NECAB2: variants seen among roughly 807,000 people sequenced by gnomAD.
NECAB2 encodes N-terminal EF-hand calcium-binding protein 2.
Under a neutral mutation model 51.9 loss-of-function variants are expected in NECAB2, and 68 were observed. The observed-to-expected ratio is 1.31, with a 90% confidence interval of 1.08 to 1.60. NECAB2 has a LOEUF of 1.60. NECAB2 is among the 40% of genes most tolerant of loss of function. The probability of loss-of-function intolerance (pLI) is 0.00; values close to 1 mark genes in which losing one functional copy is unlikely to be tolerated. For missense variants in NECAB2, 854 were observed against 490.3 expected (o/e 1.74, Z -7.00); for synonymous variants, 329 against 203.5 (o/e 1.62, Z -5.25).
Position 83,968,631 on chromosome 16 carries a change from G to GGCGGCGGGC in NECAB2, c.-11_-3dup, listed in dbSNP as rs1314417100. 2.0e-6 allele frequency: 2 copies of GGCGGCGGGC among 979,310 alleles called. No individual in the cohort carries two copies. The highest frequency in any genetic ancestry group is 1.3e-4 in the Admixed American group (2 of 15,650). 60.7% of individuals were successfully genotyped at this position (979,310 alleles called of 1,614,324 possible). ...GGGGGTCGGCGGGCTTCCGGGCGGCGGCGGCGGGCGCGGCGCGATGTGCGA... is the reference window on the plus strand; with the variant it reads ...GGGGGTCGGCGGGCTTCCGGGCGGCGGCGGCGGGCGCGGCGGGCGCGGCGCGATGTGCGA... On this transcript the variant is annotated 5_prime_UTR_variant, in exon 1 of 13. Coordinates refer to ENST00000305202, the MANE Select transcript of NECAB2 (RefSeq NM_019065.3).
chr16:83,978,490 T>C lies in NECAB2; in HGVS notation c.273T>C (p.Asp91=), dbSNP rs372821160. 15 of 1,614,044 alleles carry C rather than the reference T, an allele frequency of 9.3e-6. No individual in the cohort carries two copies. In the African/African-American group the frequency reaches 1.5e-4, roughly 16 times the overall value. Reference sequence around the variant, plus strand: ...AGGAATTCCAGCTCTTCTTTGCAGATGGCGTCCTTAATGAGAAAGAACTGG... The same window carrying C: ...AGGAATTCCAGCTCTTCTTTGCAGACGGCGTCCTTAATGAGAAAGAACTGG... ...SLEEFQLFFA[D]GVLNEKELED... The change falls in exon 3 of 13, where the codon GAT becomes GAC. Residue 91 remains aspartate (D), a synonymous_variant. Coordinates refer to ENST00000305202, the MANE Select transcript of NECAB2 (RefSeq NM_019065.3).
Position 83,998,391 on chromosome 16 carries a change from C to T in NECAB2, c.962+74C>T. ...CTGGCAGTGGAGGAACAGGGCAGGA[C>T]TAGGCTTTGCCCTAAGTAGTACAAG... On this transcript the variant is annotated intron_variant, in intron 10 of 12. Coordinates refer to ENST00000305202, the MANE Select transcript of NECAB2 (RefSeq NM_019065.3). The T allele has an allele frequency of 2.8e-6, 4 of 1,426,196 alleles. No individual in the cohort carries two copies. In the South Asian group the frequency reaches 3.7e-5, roughly 13 times the overall value. The allele number at this position is 1,426,196 out of a possible 1,614,324, so 88.3% of individuals were successfully genotyped here.
At chr16:83,968,174 G>A (rs1357735037), upstream of NECAB2, among the ~76,000 whole-genome samples, 2 of 151,420 alleles carry the variant, frequency 1.3e-5, no homozygotes, top group South Asian at 2.1e-4. Context: ...GCCGCGGGGC[G>A]TGGGCGCCGC....
rs771571802 is a variant in NECAB2, at chr16:83,981,098, G to T, written c.430G>T (p.Val144Phe). 5.0e-6 allele frequency: 8 copies of T among 1,614,050 alleles called. No homozygotes were observed. Among genetic ancestry groups the T allele is most frequent in the Non-Finnish European group, 5.9e-6 (7 of 1,180,030 alleles). The change falls in exon 5 of 13, where the codon GTC becomes TTC. Residue 144 changes from valine to phenylalanine, a missense_variant. Val to Phe is a conservative substitution (Grantham distance 50, BLOSUM62 -1). Transcript: ENST00000305202. Reference sequence around the variant, plus strand: ...CTCCCTGGAGACCTTGAATCACTCTGTCCTGAAGGCCATGGGTTATACCAA... The same window carrying T: ...CTCCCTGGAGACCTTGAATCACTCTTTCCTGAAGGCCATGGGTTATACCAA... ...LASLETLNHS[V>F]LKAMGYTKKV...
At chr16:83,988,428 C>T (rs921812862) in intron 5 of NECAB2, among the ~76,000 whole-genome samples, 2 of 152,148 alleles carry the variant, frequency 1.3e-5, no homozygotes, top group Non-Finnish European at 1.5e-5. Flanking sequence ...ACTTTCTCTT[C>T]CCTTTGGGAA....
At chr16:83,978,854 C>G (rs1399905386) in intron 3 of NECAB2, among the ~76,000 whole-genome samples, 1 of 152,046 alleles carries the variant, frequency 6.6e-6, no homozygotes, top group Admixed American at 6.6e-5. Flanking sequence ...TGACTTCATC[C>G]TTCTGCCATC....
intron 5 of NECAB2, among the ~76,000 whole-genome samples, chr16:83,988,575 T>C (rs1289798970): frequency 6.6e-6 from 1 of 152,248 alleles, no homozygotes; most frequent in Non-Finnish European, 1.5e-5. Context: ...ATTTGAGTGA[T>C]CGCTGTTAGT....
chr16:83,980,811 C>G lies in NECAB2; in HGVS notation c.336-28C>G, dbSNP rs780472965. On this transcript the variant is annotated intron_variant, in intron 3 of 12. Coordinates refer to ENST00000305202, the MANE Select transcript of NECAB2 (RefSeq NM_019065.3). ...CTGCTAACCCCCTCTCTGTCTCTGT[C>G]TGTCTCTGCCTCTGTCTGTCTCTGC... 11 of 1,562,830 alleles carry G rather than the reference C, an allele frequency of 7.0e-6. No individual in the cohort carries two copies. The East Asian group carries it at 1.2e-4, about 17-fold the overall frequency.
At chr16:84,002,180 C>T (rs935646628) in intron 12 of NECAB2, 138 bp from the exon 13 acceptor site, 1 of 1,190,594 alleles carries the variant, frequency 8.4e-7, no homozygotes, top group Non-Finnish European at 1.2e-6. Context: ...TGGTTTGCAC[C>T]TGGGTGACCA....
intron 12 of NECAB2, 117 bp downstream of exon 12, chr16:84,002,033 C>T (rs1482802369): frequency 1.1e-5 from 13 of 1,212,984 alleles, no homozygotes; most frequent in Admixed American, 6.0e-5. Context: ...CCACTGTCAG[C>T]TCCTGCCACC....
rs74032337 is a variant in NECAB2, at chr16:83,969,971, C to T, written c.201+1122C>T. Among the ~76,000 whole-genome samples the T allele has an allele frequency of 3.3e-3, 498 of 152,302 alleles. 3 individuals are homozygous for T. Among genetic ancestry groups the T allele is most frequent in the African/African-American group, 0.011 (469 of 41,580 alleles). On this transcript the variant is annotated intron_variant, in intron 1 of 12. Transcript: ENST00000305202. ...CCAGAGCAGGGGGAGCTCTAGAGTG[C>T]CACACTCGCAGGCACACATTCACAC...
intron 11 of NECAB2, 145 bp downstream of exon 11, chr16:84,000,946 C>T (rs141349092): frequency 4.6e-5 from 34 of 742,450 alleles, no homozygotes; most frequent in African/African-American, 1.3e-4. Context: ...GGCATGCTTG[C>T]GTCAGTAAAC....
intron 11 of NECAB2, 111 bp from the exon 12 acceptor site, chr16:84,001,714 C>G: frequency 8.8e-7 from 1 of 1,140,962 alleles, no homozygotes. Flanking sequence ...AAAGACCCCC[C>G]GTGCTTATTG....
intron 7 of NECAB2, 56 bp from the exon 8 acceptor site, chr16:83,994,553 C>A: frequency 6.2e-7 from 1 of 1,609,012 alleles, no homozygotes; most frequent in Non-Finnish European, 8.5e-7. Context: ...CAGCTTCCCC[C>A]CGAAGCCCTC....
At chr16:84,002,037 T>C in intron 12 of NECAB2, 121 bp downstream of exon 12, 1 of 1,170,764 alleles carries the variant, frequency 8.5e-7, no homozygotes, top group Non-Finnish European at 1.2e-6. Context: ...TGTCAGCTCC[T>C]GCCACCAATG....
chr16:83,981,276 G>T (rs1416896985), intron 5 of NECAB2, 149 bp downstream of exon 5: 3 of 667,344 alleles, frequency 4.5e-6, no homozygotes, highest in Non-Finnish European at 7.9e-6. Flanking sequence ...TGAAGCAGCT[G>T]AGATGAACTG....
Position 83,968,575 on chromosome 16 carries a change from G to C in NECAB2, c.-74G>C. ...GGGGCGGCGCGGGCAGCGCGGGGAGGGGGTCGCGCGGGGGCGGGCCGCAGC... is the reference window on the plus strand; with the variant it reads ...GGGGCGGCGCGGGCAGCGCGGGGAGCGGGTCGCGCGGGGGCGGGCCGCAGC... On this transcript the variant is annotated 5_prime_UTR_variant, in exon 1 of 13. Transcript: ENST00000305202. The C allele has an allele frequency of 2.1e-6, 2 of 961,262 alleles. No homozygotes were observed. The highest frequency in any genetic ancestry group is 2.5e-6 in the Non-Finnish European group (2 of 810,912). 59.5% of individuals were successfully genotyped at this position (961,262 alleles called of 1,614,324 possible).
rs530538808 is a variant in NECAB2 at position 83,975,969 on chromosome 16, C to T, written c.227-2475C>T. On this transcript the variant is annotated intron_variant, in intron 2 of 12. Transcript: ENST00000305202. ...TCAGGCGTTCAGGATAAATGTCAGC[C>T]GAAAGCTTAGTGAGGGGGCACCTTG... is the stretch of plus-strand genomic sequence containing the variant. Among the ~76,000 whole-genome samples the T allele has an allele frequency of 7.8e-4, 118 of 152,242 alleles. 1 individual carries two copies. Among genetic ancestry groups the T allele is most frequent in the Middle Eastern group, 3.4e-3 (1 of 294 alleles).
At chr16:84,000,967 G>GGTGGAGT in intron 11 of NECAB2, among the ~76,000 whole-genome samples, 166 bp downstream of exon 11, 1 of 135,366 alleles carries the variant, frequency 7.4e-6, no homozygotes, top group Admixed American at 6.7e-5. Flanking sequence ...CCTGGTGGAG[G>GGTGGAGT]CAGGAGCTCT....
Sources: allele counts gnomAD v4.1 joint callset (sites outside exome capture counted in the v4.1 genomes callset), GRCh38; gene constraint gnomAD v4.1.1; transcripts MANE v1.5; gene names NCBI Gene and HGNC (gene_info 2026-07-23, HGNC 2026-07-21).